The following COL18A1 variants were observed in gnomAD, a reference collection of about 807,000 sequenced individuals.
COL18A1 encodes the protein collagen alpha-1(XVIII) chain.
COL18A1 carries 133 observed loss-of-function variants against 168.0 expected under a neutral mutation model. The ratio of observed to expected loss-of-function variants is 0.79; its 90% confidence interval spans 0.69 to 0.91. COL18A1 has a LOEUF of 0.91. Among genes scored for constraint, COL18A1 ranks in the 40% least tolerant of loss-of-function variants. The probability of loss-of-function intolerance (pLI) is 0.00; values close to 1 mark genes in which losing one functional copy is unlikely to be tolerated. For synonymous variants in COL18A1, 949 were observed against 809.0 expected, an observed-to-expected ratio of 1.17 and a Z score of -2.94; for missense variants, 2,126 against 1,925.4, an observed-to-expected ratio of 1.10 and a Z score of -1.95.
rs1569292167 is a variant in COL18A1 at position 45,443,105 on chromosome 21, TGCTGGTGTGGGC to T, written c.107-25135_107-25124del. Among the ~76,000 whole-genome samples the T allele has an allele frequency of 1.5e-3, 120 of 79,596 alleles. 2 individuals are homozygous for T. The highest frequency in any genetic ancestry group is 7.3e-3 in the East Asian group (23 of 3,168). 52.2% of individuals were successfully genotyped at this position (79,596 alleles called of 152,430 possible). A position where few individuals can be genotyped will look rare whatever the true frequency, so the allele number is the denominator to read the frequency against. Reference sequence around the variant, plus strand: ...GTGGTGGTGCTGATGTGGGCGGCGGTGCTGGTGTGGGCGGCGGTGCTGGTGTGGGCGGCGGTG... The same window carrying T: ...GTGGTGGTGCTGATGTGGGCGGCGGTGGCGGTGCTGGTGTGGGCGGCGGTG... On this transcript the variant is annotated intron_variant, in intron 2 of 41. Coordinates refer to ENST00000651438, the MANE Select transcript of COL18A1 (RefSeq NM_001379500.1). The surrounding 1 kb of genome is among the most constrained non-coding windows in gnomAD (Gnocchi z 5.2).
chr21:45,452,895 G>A (rs1439886854), intron 2 of COL18A1, among the ~76,000 whole-genome samples: 1 of 151,908 alleles, frequency 6.6e-6, no homozygotes, highest in Non-Finnish European at 1.5e-5. Flanking sequence ...CATGTGACAT[G>A]TGAGCATGTA....
intron 2 of COL18A1, among the ~76,000 whole-genome samples, chr21:45,409,467 G>C (rs2033223645): frequency 6.6e-6 from 1 of 152,086 alleles, no homozygotes; most frequent in Admixed American, 6.5e-5. Flanking sequence ...TCTTATCCAA[G>C]GCCTCCCAGG....
intron 2 of COL18A1, among the ~76,000 whole-genome samples, chr21:45,447,776 A>G (rs1414930950): frequency 6.6e-6 from 1 of 152,146 alleles, no homozygotes; most frequent in African/African-American, 2.4e-5. Flanking sequence ...TAGAGCATGG[A>G]TGGTTCCCTT....
intron 2 of COL18A1, chr21:45,455,360 T>C (rs1461623113): frequency 1.1e-5 from 10 of 911,306 alleles, no homozygotes; most frequent in Non-Finnish European, 3.3e-6. Context: ...CTGGGCACCT[T>C]GATTCCAAGG....
intron 9 of COL18A1, among the ~76,000 whole-genome samples, chr21:45,478,669 G>C (rs1326340349): frequency 6.6e-6 from 1 of 152,038 alleles, no homozygotes. Context: ...GGCAGGGGGT[G>C]GTGCAAGTCG....
intron 2 of COL18A1, among the ~76,000 whole-genome samples, chr21:45,428,567 C>T (rs2033870313): frequency 6.6e-6 from 1 of 152,250 alleles, no homozygotes; most frequent in Non-Finnish European, 1.5e-5. Context: ...GCCATCACCA[C>T]TGCCCAACTC....
intron 18 of COL18A1, among the ~76,000 whole-genome samples, chr21:45,489,093 C>G (rs2036212234): frequency 6.6e-6 from 1 of 152,216 alleles, no homozygotes; most frequent in Non-Finnish European, 1.5e-5. Context: ...CGTCACCAGC[C>G]CCTGCCATGG....
chr21:45,494,362 A>G, intron 26 of COL18A1, 183 bp from the exon 27 acceptor site: 1 of 781,436 alleles, frequency 1.3e-6, no homozygotes, highest in Non-Finnish European at 2.1e-6. Flanking sequence ...TGTCCTCCCC[A>G]GGGCTGCCTG....
At chr21:45,504,886 C>T (rs1480422596) in intron 34 of COL18A1, among the ~76,000 whole-genome samples, 1 of 150,190 alleles carries the variant, frequency 6.7e-6, no homozygotes, top group Non-Finnish European at 1.5e-5. Context: ...AGCCATGGGC[C>T]CCAGCTACTG....
chr21:45,475,346 G>T, intron 4 of COL18A1, 130 bp from the exon 5 acceptor site: 1 of 838,294 alleles, frequency 1.2e-6, no homozygotes, highest in Non-Finnish European at 2.0e-6. Context: ...GAGAGCACCA[G>T]AGAGGGCTGG....
chr21:45,469,722 C>T (rs1188341301), intron 3 of COL18A1, among the ~76,000 whole-genome samples: 7 of 152,232 alleles, frequency 4.6e-5, no homozygotes, highest in South Asian at 2.1e-4. Context: ...TGCAGCTGGA[C>T]GCCCCTGCCC....
chr21:45,407,801 C>A (rs2033163012), intron 2 of COL18A1, among the ~76,000 whole-genome samples: 1 of 152,256 alleles, frequency 6.6e-6, no homozygotes, highest in African/African-American at 2.4e-5. Flanking sequence ...ACCACTAGGA[C>A]CTCCTCCTGT....
chr21:45,449,822 C>T (rs2034582630), intron 2 of COL18A1, among the ~76,000 whole-genome samples: 1 of 152,080 alleles, frequency 6.6e-6, no homozygotes, highest in African/African-American at 2.4e-5. Context: ...TGCCCGGTGG[C>T]CAGGTCTGGT....
chr21:45,409,239 G>A (rs1353332048), intron 2 of COL18A1, among the ~76,000 whole-genome samples: 4 of 152,334 alleles, frequency 2.6e-5, no homozygotes, highest in South Asian at 2.1e-4. Flanking sequence ...AGATTTCAGC[G>A]GCTGGCCAGT....
At chr21:45,493,838 C>G in intron 26 of COL18A1, 1 of 527,142 alleles carries the variant, frequency 1.9e-6, no homozygotes, top group African/African-American at 1.9e-5. Flanking sequence ...CAGTGGGCTG[C>G]AGCTCTGAGC....
At position 45,468,633 on chromosome 21, in the gene COL18A1, C is replaced by T. The variant is rs549146288; in HGVS notation, c.498C>T (p.Ala166=). The T allele has an allele frequency of 3.1e-6, 5 of 1,614,052 alleles. No individual in the cohort carries two copies. Among genetic ancestry groups the T allele is most frequent in the Non-Finnish European group, 4.2e-6 (5 of 1,180,030 alleles). The change falls in exon 3 of 42, where the codon GCC becomes GCT. Residue 166 remains alanine, a synonymous_variant. Transcript: ENST00000651438. The stretch of plus-strand genomic sequence containing the variant: ...TCGTCGGCCAGTGGACACACTTAGC[C>T]CTCAGTGTGGCAGGTGGCTTTGTGG... The part of the protein sequence containing the change: ...PAFVGQWTHL[A]LSVAGGFVAL...
At chr21:45,504,204 C>T (rs2037043104) in intron 33 of COL18A1, 150 bp downstream of exon 33, 1 of 989,470 alleles carries the variant, frequency 1.0e-6, no homozygotes, top group South Asian at 1.4e-5. Context: ...CGAGGGCGTC[C>T]CTCAGGATGT....
At chr21:45,431,397 G>C (rs2033955941) in intron 2 of COL18A1, among the ~76,000 whole-genome samples, 1 of 147,056 alleles carries the variant, frequency 6.8e-6, no homozygotes, top group Non-Finnish European at 1.5e-5. Context: ...AGGGGAGGGG[G>C]GCAGGCAGGA....
chr21:45,487,652 T>C (rs915368529), intron 17 of COL18A1, 143 bp downstream of exon 17: 14 of 1,065,468 alleles, frequency 1.3e-5, no homozygotes, highest in Non-Finnish European at 1.9e-5. Context: ...TGGCGGGCGC[T>C]GTGCCCCGCG....
Sources: allele counts gnomAD v4.1 joint callset (sites outside exome capture counted in the v4.1 genomes callset), GRCh38; gene constraint gnomAD v4.1.1; non-coding constraint Gnocchi (gnomAD v3.1); transcripts MANE v1.5; gene names NCBI Gene and HGNC (gene_info 2026-07-23, HGNC 2026-07-21).